The following CPNE4 variants were observed in gnomAD, a reference collection of about 807,000 sequenced individuals.
The protein encoded by CPNE4 is copine 4.
A neutral mutation model predicts 67.9 loss-of-function variants in CPNE4; 25 were observed. That is an observed-to-expected ratio of 0.37 (90% CI 0.27 to 0.51). The LOEUF (loss-of-function observed/expected upper bound fraction) is 0.51. Ranked by LOEUF, CPNE4 falls within the 20% of genes least tolerant of loss-of-function variation. The pLI is 0.93. For synonymous variants in CPNE4, 242 were observed against 244.9 expected (o/e 0.99, Z 0.11); for missense variants, 464 against 690.8 (o/e 0.67, Z 3.68).
At chr3:131,590,804 T>C (rs904563845) in intron 7 of CPNE4, among the ~76,000 whole-genome samples, 1 of 152,204 alleles carries the variant, frequency 6.6e-6, no homozygotes, top group Non-Finnish European at 1.5e-5. Flanking sequence ...TCAGAAATGC[T>C]AAGATTAGTT....
upstream of CPNE4, among the ~76,000 whole-genome samples, chr3:132,036,384 G>A (rs2074339148): frequency 9.2e-6 from 1 of 108,420 alleles, no homozygotes; most frequent in African/African-American, 3.5e-5. Flanking sequence ...AGCACTCCTG[G>A]AGCCAGGATG....
At chr3:131,792,530 A>C (rs1000551922) in intron 2 of CPNE4, among the ~76,000 whole-genome samples, 1 of 149,090 alleles carries the variant, frequency 6.7e-6, no homozygotes, top group East Asian at 2.0e-4. Flanking sequence ...TAAGTTCCCA[A>C]TGTGAATATC....
intron 2 of CPNE4, among the ~76,000 whole-genome samples, chr3:131,892,913 A>G (rs1254002654): frequency 1.3e-5 from 2 of 152,066 alleles, no homozygotes; most frequent in Non-Finnish European, 2.9e-5. Flanking sequence ...AGAGAAAGGA[A>G]GGAAGAAAGA....
chr3:131,639,569 A>G (rs1289524114), intron 7 of CPNE4, among the ~76,000 whole-genome samples: 1 of 152,162 alleles, frequency 6.6e-6, no homozygotes, highest in Non-Finnish European at 1.5e-5. Flanking sequence ...CCTGAATTCT[A>G]TCAGACATCC....
At chr3:132,005,056 A>C (rs2073551782) in intron 1 of CPNE4, among the ~76,000 whole-genome samples, 2 of 151,766 alleles carry the variant, frequency 1.3e-5, no homozygotes, top group Non-Finnish European at 2.9e-5. Context: ...ACCAGAACTG[A>C]TGTGTGGCTC....
intron 2 of CPNE4, among the ~76,000 whole-genome samples, chr3:131,772,095 G>A (rs1453929706): frequency 1.3e-5 from 2 of 152,062 alleles, no homozygotes; most frequent in Non-Finnish European, 1.5e-5. Flanking sequence ...GATGTCCCAG[G>A]AGGTTTAACA....
intron 2 of CPNE4, among the ~76,000 whole-genome samples, chr3:131,847,434 G>C (rs2086045848): frequency 6.6e-6 from 1 of 152,164 alleles, no homozygotes; most frequent in Non-Finnish European, 1.5e-5. Context: ...GGGCATATAT[G>C]ATTAAGCATA....
At chr3:131,726,629 C>T (rs1054234148) in intron 2 of CPNE4, among the ~76,000 whole-genome samples, 2 of 146,040 alleles carry the variant, frequency 1.4e-5, no homozygotes, top group African/African-American at 5.1e-5. Flanking sequence ...TAGGATTGTT[C>T]ATTTCTCATT....
chr3:131,701,874 G>A (rs1467477383), intron 3 of CPNE4, among the ~76,000 whole-genome samples: 1 of 152,170 alleles, frequency 6.6e-6, no homozygotes, highest in Non-Finnish European at 1.5e-5. Context: ...AGCTTTTGAA[G>A]TACTTTTTTT....
intron 2 of CPNE4, among the ~76,000 whole-genome samples, chr3:131,869,236 C>T (rs1458394640): frequency 6.6e-6 from 1 of 152,144 alleles, no homozygotes; most frequent in African/African-American, 2.4e-5. Flanking sequence ...ATGGGGAACT[C>T]AACCTTGCTT....
chr3:132,030,636 G>A (rs1019155558), intron 1 of CPNE4, among the ~76,000 whole-genome samples: 5 of 152,148 alleles, frequency 3.3e-5, no homozygotes, highest in African/African-American at 1.2e-4. Flanking sequence ...AAAAGCTGAT[G>A]GTTCCCAAGA....
chr3:131,765,030 T>A (rs1513381), intron 2 of CPNE4, among the ~76,000 whole-genome samples: 33,609 of 151,978 alleles, frequency 0.22, 3,859 homozygotes, highest in East Asian at 0.3. Context: ...ATGCCTTGTG[T>A]TGTCACTGGT....
At chr3:131,640,491 A>G (rs985518556) in intron 7 of CPNE4, among the ~76,000 whole-genome samples, 2 of 152,188 alleles carry the variant, frequency 1.3e-5, no homozygotes, top group Admixed American at 6.5e-5. Flanking sequence ...GGGAAACTAC[A>G]AAACACTGCT....
chr3:131,972,349 G>A (rs2072526719), intron 1 of CPNE4, among the ~76,000 whole-genome samples: 1 of 147,102 alleles, frequency 6.8e-6, no homozygotes, highest in African/African-American at 2.4e-5. Flanking sequence ...CCAACTTGGA[G>A]CCTCATCATA....
chr3:131,827,544 C>T (rs1289512984), intron 2 of CPNE4, among the ~76,000 whole-genome samples: 3 of 152,042 alleles, frequency 2.0e-5, no homozygotes, highest in Non-Finnish European at 4.4e-5. Flanking sequence ...AACACAATAA[C>T]CCATAATGCA....
At chr3:131,620,473 TTGTCCTTCA>T in intron 7 of CPNE4, 1 of 985,348 alleles carries the variant, frequency 1.0e-6, no homozygotes, top group Non-Finnish European at 1.2e-6. Context: ...TAAATGCTTT[TTGTCCTTCA>T]GTGAAGACAC....
chr3:131,780,064 C>T (rs1344049986), intron 2 of CPNE4, among the ~76,000 whole-genome samples: 1 of 152,038 alleles, frequency 6.6e-6, no homozygotes, highest in Non-Finnish European at 1.5e-5. Flanking sequence ...ATGCAGCTAA[C>T]AGGCATATGA....
intron 2 of CPNE4, among the ~76,000 whole-genome samples, chr3:131,754,761 G>A (rs991789089): frequency 6.6e-6 from 1 of 152,024 alleles, no homozygotes; most frequent in African/African-American, 2.4e-5. Context: ...CTCCAAACTG[G>A]GTAAACCAAG....
At chr3:131,652,654 T>C (rs1377831599) in intron 7 of CPNE4, among the ~76,000 whole-genome samples, 1 of 152,218 alleles carries the variant, frequency 6.6e-6, no homozygotes, top group Admixed American at 6.5e-5. Flanking sequence ...TGTTATTAGA[T>C]TGGTGTTTTT....
Sources: gnomAD v4.1 joint callset for allele counts (sites outside exome capture counted in the v4.1 genomes callset) on GRCh38, gnomAD v4.1.1 for gene constraint, MANE v1.5 for transcripts, NCBI Gene and HGNC (gene_info 2026-07-23, HGNC 2026-07-21) for gene names.